PCSK2: variants seen among roughly 807,000 people sequenced by gnomAD.
The protein encoded by PCSK2 is neuroendocrine convertase 2.
In PCSK2, 14 loss-of-function variants were observed where a neutral mutation model predicts 69.7. The ratio of observed to expected loss-of-function variants is 0.20; its 90% CI spans 0.13 to 0.31. The LOEUF (loss-of-function observed/expected upper bound fraction) is 0.31. PCSK2 is among the 10% of genes least tolerant of loss of function. PCSK2 has a pLI of 1.00. For missense variants in PCSK2, 544 were observed against 842.5 expected, an observed-to-expected ratio of 0.65 and a Z score of 4.39; for synonymous variants, 307 against 320.7, an observed-to-expected ratio of 0.96 and a Z score of 0.46.
intron 11 of PCSK2, 76 bp from the exon 12 acceptor site, chr20:17,481,508 C>T: frequency 7.0e-7 from 1 of 1,438,366 alleles, no homozygotes; most frequent in Non-Finnish European, 9.6e-7. Context: ...TTTCCGCCAC[C>T]TGAAGCTGCC....
At chr20:17,266,172 G>C (rs976940307) in intron 2 of PCSK2, among the ~76,000 whole-genome samples, 1 of 152,182 alleles carries the variant, frequency 6.6e-6, no homozygotes, top group African/African-American at 2.4e-5. Flanking sequence ...GAAATAAAAA[G>C]GGCGGCACTT....
chr20:17,376,809 C>T (rs1359680557), intron 5 of PCSK2, among the ~76,000 whole-genome samples: 2 of 152,216 alleles, frequency 1.3e-5, no homozygotes, highest in Non-Finnish European at 2.9e-5. Context: ...CCTCTTAACA[C>T]TTATCACAGT....
chr20:17,409,185 T>C (rs2217182), intron 5 of PCSK2, 78 bp from the exon 6 acceptor site: 729,046 of 1,063,834 alleles, frequency 0.69, 252,693 homozygotes, highest in South Asian at 0.76. Flanking sequence ...GGACTAGAAA[T>C]GTTTAAAGTC....
chr20:17,310,046 G>A (rs1052192577), intron 2 of PCSK2, among the ~76,000 whole-genome samples: 2 of 152,072 alleles, frequency 1.3e-5, no homozygotes, highest in Non-Finnish European at 2.9e-5. Flanking sequence ...GAAGGCAAAG[G>A]GGGAGCAGGC....
chr20:17,391,949 G>GAAGGAAGGAAGGAA (rs377564885), intron 5 of PCSK2, among the ~76,000 whole-genome samples: 4 of 75,160 alleles, frequency 5.3e-5, no homozygotes, highest in East Asian at 4.9e-4. Flanking sequence ...AGGAAGGAAG[G>GAAGGAAGGAAGGAA]GGAAGGGAAA....
At chr20:17,352,409 G>T (rs2030021514) in intron 2 of PCSK2, among the ~76,000 whole-genome samples, 1 of 152,068 alleles carries the variant, frequency 6.6e-6, no homozygotes, top group Non-Finnish European at 1.5e-5. Flanking sequence ...TAAGCAAAAA[G>T]AACAAAGCTG....
chr20:17,416,996 G>A (rs1011089189), intron 6 of PCSK2, among the ~76,000 whole-genome samples: 9 of 150,248 alleles, frequency 6.0e-5, no homozygotes, highest in East Asian at 1.9e-4. Flanking sequence ...CACAGGGCGG[G>A]GAACATCACA....
intron 7 of PCSK2, among the ~76,000 whole-genome samples, chr20:17,431,114 C>A (rs1343570316): frequency 6.6e-6 from 1 of 152,030 alleles, no homozygotes; most frequent in African/African-American, 2.4e-5. Flanking sequence ...GGGAGGTGGT[C>A]CCCGGAAGCC....
At chr20:17,369,376 A>G (rs2123230331) in intron 5 of PCSK2, 99 bp downstream of exon 5, 1 of 931,382 alleles carries the variant, frequency 1.1e-6, no homozygotes, top group Non-Finnish European at 1.8e-6. Flanking sequence ...GTCTATACAC[A>G]TGCATGCAAG....
In PCSK2 at chr20:17,388,909, A is replaced by G. The variant is rs73257664; in HGVS notation, c.543+19632A>G. Among the ~76,000 whole-genome samples the G allele has an allele frequency of 2.1e-3, 313 of 152,270 alleles. 1 individual carries two copies. Among genetic ancestry groups the G allele is most frequent in the African/African-American group, 7.2e-3 (300 of 41,570 alleles). On this transcript the variant is annotated intron_variant, in intron 5 of 11. Transcript: ENST00000262545. ...TGTTCAGTCTCAAGCAGGGGCCTGTATCTACTCTGGGGCTCATTATATTCT... is the reference window on the plus strand; with the variant it reads ...TGTTCAGTCTCAAGCAGGGGCCTGTGTCTACTCTGGGGCTCATTATATTCT...
At chr20:17,378,590 C>T (rs34006014) in intron 5 of PCSK2, among the ~76,000 whole-genome samples, 7 of 136,192 alleles carry the variant, frequency 5.1e-5, no homozygotes, top group Admixed American at 2.2e-4. Context: ...GATGGATGGA[C>T]GGATGGATGG....
At chr20:17,303,284 T>C (rs1989150807) in intron 2 of PCSK2, among the ~76,000 whole-genome samples, 1 of 139,182 alleles carries the variant, frequency 7.2e-6, no homozygotes, top group African/African-American at 2.7e-5. Context: ...TATATGTCTA[T>C]TACATGTATA....
At chr20:17,246,286 C>T (rs7345243) in intron 1 of PCSK2, among the ~76,000 whole-genome samples, 4 of 152,228 alleles carry the variant, frequency 2.6e-5, no homozygotes, top group African/African-American at 9.6e-5. Flanking sequence ...CGAAACCAGC[C>T]TAGTGGATGG....
At chr20:17,240,005 C>T (rs535579111) in intron 1 of PCSK2, among the ~76,000 whole-genome samples, 1 of 151,698 alleles carries the variant, frequency 6.6e-6, no homozygotes, top group South Asian at 2.1e-4. Context: ...AGGCGCACAC[C>T]ACCATACCCA....
chr20:17,237,521 C>G (rs1049941616), intron 1 of PCSK2, among the ~76,000 whole-genome samples: 2 of 152,048 alleles, frequency 1.3e-5, no homozygotes, highest in South Asian at 2.1e-4. Flanking sequence ...CAAGAGCACA[C>G]AGGCCTGTGA....
chr20:17,280,799 G>A (rs2123044743), intron 2 of PCSK2, among the ~76,000 whole-genome samples: 1 of 152,256 alleles, frequency 6.6e-6, no homozygotes. Flanking sequence ...CTTTCTAGCT[G>A]GCCAAATAAG....
At chr20:17,362,989 T>C (rs1477475882) in intron 4 of PCSK2, among the ~76,000 whole-genome samples, 1 of 152,228 alleles carries the variant, frequency 6.6e-6, no homozygotes, top group Non-Finnish European at 1.5e-5. Flanking sequence ...TACTGCATTC[T>C]CTCTCTTAAC....
chr20:17,271,151 A>T (rs1987850338), intron 2 of PCSK2, among the ~76,000 whole-genome samples: 1 of 152,074 alleles, frequency 6.6e-6, no homozygotes, highest in South Asian at 2.1e-4. Context: ...TGTTTGCAAG[A>T]ACTAGCATTT....
chr20:17,346,617 C>G (rs1157432303), intron 2 of PCSK2, among the ~76,000 whole-genome samples: 1 of 152,188 alleles, frequency 6.6e-6, no homozygotes, highest in Admixed American at 6.5e-5. Flanking sequence ...TCAGGAGACA[C>G]TCATTGAGAG....
Sources: gnomAD v4.1 joint callset for allele counts (sites outside exome capture counted in the v4.1 genomes callset) on GRCh38, gnomAD v4.1.1 for gene constraint, MANE v1.5 for transcripts, NCBI Gene and HGNC (gene_info 2026-07-23, HGNC 2026-07-21) for gene names.